The following DPP6 variants were observed in gnomAD, a reference collection of about 807,000 sequenced individuals.
The protein encoded by DPP6 is A-type potassium channel modulatory protein DPP6.
DPP6 carries 69 observed loss-of-function variants against 122.6 expected under a neutral mutation model. The observed-to-expected ratio is 0.56, with a 90% CI of 0.46 to 0.69. The LOEUF is 0.69. Among genes scored for constraint, DPP6 ranks in the 30% least tolerant of loss-of-function variants. The pLI is 0.00. For missense variants in DPP6, 928 were observed against 1,116.9 expected (o/e 0.83, Z 2.41); for synonymous variants, 418 against 433.1 (o/e 0.97, Z 0.43).
chr7:154,629,395 T>C (rs535764293), intron 5 of DPP6, among the ~76,000 whole-genome samples: 2 of 152,302 alleles, frequency 1.3e-5, no homozygotes, highest in South Asian at 2.1e-4. Context: ...CAGATAACTT[T>C]CCTTTTTTTT....
intron 17 of DPP6, among the ~76,000 whole-genome samples, chr7:154,866,889 G>A (rs1185992804): frequency 1.3e-5 from 2 of 151,824 alleles, no homozygotes; most frequent in East Asian, 3.9e-4. Flanking sequence ...ACAGCCCCAT[G>A]TTCTCCACAC....
intron 16 of DPP6, among the ~76,000 whole-genome samples, chr7:154,815,000 G>A (rs901884160): frequency 6.6e-6 from 1 of 152,116 alleles, no homozygotes; most frequent in Non-Finnish European, 1.5e-5. Flanking sequence ...GGAACCGAGG[G>A]TCAGGACTTC....
chr7:154,778,170 A>G (rs1173717467), intron 10 of DPP6, among the ~76,000 whole-genome samples: 1 of 152,170 alleles, frequency 6.6e-6, no homozygotes, highest in East Asian at 1.9e-4. Flanking sequence ...GCATTGTGAT[A>G]GAGAGCCAGA....
At chr7:154,679,189 C>T (rs1223852279) in intron 7 of DPP6, among the ~76,000 whole-genome samples, 1 of 152,104 alleles carries the variant, frequency 6.6e-6, no homozygotes, top group Non-Finnish European at 1.5e-5. Flanking sequence ...TGGACTCACA[C>T]CTTGCTCTTC....
At chr7:154,022,611 A>G (rs1246033575) in intron 1 of DPP6, among the ~76,000 whole-genome samples, 1 of 152,212 alleles carries the variant, frequency 6.6e-6, no homozygotes, top group Non-Finnish European at 1.5e-5. Flanking sequence ...GGCAAATTTT[A>G]TAGACTAACG....
chr7:153,929,792 A>G (rs1408386573), intron 1 of DPP6, among the ~76,000 whole-genome samples: 2 of 152,220 alleles, frequency 1.3e-5, no homozygotes, highest in African/African-American at 2.4e-5. Context: ...ATTGTAATTT[A>G]TTTGATTGTC....
intron 1 of DPP6, among the ~76,000 whole-genome samples, chr7:154,041,321 A>G (rs1563124377): frequency 1.3e-5 from 2 of 152,228 alleles, no homozygotes. Flanking sequence ...ATAACAAATA[A>G]TCAGGTGGGA....
At chr7:154,506,734 C>T (rs1825694538) in intron 3 of DPP6, among the ~76,000 whole-genome samples, 1 of 152,188 alleles carries the variant, frequency 6.6e-6, no homozygotes, top group African/African-American at 2.4e-5. Context: ...TCTCCTTTCT[C>T]TCTTAAAATT....
At chr7:154,479,630 A>C (rs376412849) in intron 3 of DPP6, among the ~76,000 whole-genome samples, 1 of 151,398 alleles carries the variant, frequency 6.6e-6, no homozygotes, top group Non-Finnish European at 1.5e-5. Flanking sequence ...AGAGGTGCAC[A>C]CTCCCAGAAG....
intron 1 of DPP6, among the ~76,000 whole-genome samples, chr7:154,408,620 C>G (rs575394988): frequency 6.6e-6 from 1 of 152,182 alleles, no homozygotes; most frequent in African/African-American, 2.4e-5. Context: ...CGGCTATTAA[C>G]TCAACTATAG....
chr7:154,163,832 G>A (rs1293613785), intron 1 of DPP6, among the ~76,000 whole-genome samples: 1 of 152,230 alleles, frequency 6.6e-6, no homozygotes, highest in East Asian at 1.9e-4. Context: ...GCAGGTGTGT[G>A]CAGTGAGGAT....
intron 1 of DPP6, among the ~76,000 whole-genome samples, chr7:153,909,955 C>T (rs764396141): frequency 5.3e-5 from 8 of 152,214 alleles, no homozygotes; most frequent in Non-Finnish European, 1.2e-4. Context: ...GCCATTCACC[C>T]GCCCTAGAAA....
intron 6 of DPP6, among the ~76,000 whole-genome samples, chr7:154,662,645 C>T (rs1837810343): frequency 8.0e-6 from 1 of 125,738 alleles, no homozygotes; most frequent in Non-Finnish European, 1.6e-5. Flanking sequence ...GCGTATCGGC[C>T]ATAGTGTTCA....
chr7:154,152,829 G>A (rs1796490630), intron 1 of DPP6, among the ~76,000 whole-genome samples: 2 of 152,246 alleles, frequency 1.3e-5, no homozygotes, highest in African/African-American at 4.8e-5. Context: ...GGCTGAGTCG[G>A]CTTTCCAATC....
chr7:154,100,198 A>T lies in DPP6; in HGVS notation c.243+47135A>T. On this transcript the variant is annotated intron_variant, in intron 1 of 25. Transcript: ENST00000377770. ...CTTCCAGAGTAGAAGTGGGAGTTTT[A>T]TTTTTTATTTATTTATTTTATTTTT... Among the ~76,000 whole-genome samples the T allele has an allele frequency of 1.9e-5, 2 of 107,390 alleles. 1 individual carries two copies. The highest frequency in any genetic ancestry group is 3.7e-5 in the Non-Finnish European group (2 of 53,464). The allele number at this position is 107,390 out of a possible 152,430, so 70.5% of individuals were successfully genotyped here.
intron 1 of DPP6, among the ~76,000 whole-genome samples, chr7:154,029,678 T>C (rs3961905): frequency 1.2e-4 from 18 of 145,376 alleles, no homozygotes; most frequent in East Asian, 2.1e-4. Context: ...AACCCTGTCT[T>C]TACTAAAAAT....
intron 1 of DPP6, among the ~76,000 whole-genome samples, chr7:153,958,848 ACCTG>A (rs1795201232): frequency 6.6e-6 from 1 of 151,688 alleles, no homozygotes; most frequent in African/African-American, 2.4e-5. Context: ...TCAGCTCAGC[ACCTG>A]CGAACACAGA....
At chr7:154,200,490 A>C (rs12703320) in intron 1 of DPP6, among the ~76,000 whole-genome samples, 100,605 of 151,902 alleles carry the variant, frequency 0.66, 36,456 homozygotes, top group Non-Finnish European at 0.81. Context: ...TCTTTAATAA[A>C]CACTGAGCCG....
intron 1 of DPP6, among the ~76,000 whole-genome samples, chr7:153,918,017 T>C (rs1240302551): frequency 6.6e-6 from 1 of 152,204 alleles, no homozygotes; most frequent in Non-Finnish European, 1.5e-5. Flanking sequence ...AGAATGTGTG[T>C]CTGATACAGT....
Sources: gnomAD v4.1 joint callset for allele counts (sites outside exome capture counted in the v4.1 genomes callset) on GRCh38, gnomAD v4.1.1 for gene constraint, MANE v1.5 for transcripts, NCBI Gene and HGNC (gene_info 2026-07-23, HGNC 2026-07-21) for gene names.